FRYL: variants seen among roughly 807,000 people sequenced by gnomAD.
FRYL encodes the protein FRY like transcription coactivator, also known as protein furry homolog-like.
FRYL carries 150 observed loss-of-function variants against 351.2 expected under a neutral mutation model. The ratio of observed to expected loss-of-function variants is 0.43; its 90% CI spans 0.37 to 0.49. FRYL has a LOEUF of 0.49. Ranked by LOEUF, FRYL falls within the 20% of genes least tolerant of loss-of-function variation. The pLI is 0.00. For synonymous variants in FRYL, 1,153 were observed against 1,257.1 expected (o/e 0.92, Z 1.75); for missense variants, 3,036 against 3,619.3 (o/e 0.84, Z 4.13).
chr4:48,746,651 GTC>G (rs1468002993), intron 1 of FRYL, among the ~76,000 whole-genome samples: 3 of 152,140 alleles, frequency 2.0e-5, no homozygotes, highest in Non-Finnish European at 2.9e-5. Context: ...ACCCTGAGCA[GTC>G]TGTGACTGCC....
intron 3 of FRYL, among the ~76,000 whole-genome samples, chr4:48,674,044 G>C (rs1458124406): frequency 6.6e-6 from 1 of 152,100 alleles, no homozygotes; most frequent in Non-Finnish European, 1.5e-5. Flanking sequence ...CATTGTCTCT[G>C]TTCTTGATGA....
chr4:48,592,084 AT>A (rs1743441207), intron 16 of FRYL, among the ~76,000 whole-genome samples: 3 of 15,110 alleles, frequency 2.0e-4, no homozygotes, highest in African/African-American at 2.8e-4. Flanking sequence ...TAAAGCTCTT[AT>A]ATATATATAT....
At chr4:48,590,883 T>A in intron 16 of FRYL, 53 bp from the exon 17 acceptor site, 1 of 1,383,638 alleles carries the variant, frequency 7.2e-7, no homozygotes, top group Non-Finnish European at 9.9e-7. Context: ...AATTACCTTT[T>A]TTGCATGTTA....
chr4:48,724,623 T>A (rs1036483818), intron 1 of FRYL, among the ~76,000 whole-genome samples: 1 of 152,200 alleles, frequency 6.6e-6, no homozygotes, highest in East Asian at 1.9e-4. Context: ...CATCATCTCC[T>A]GGGTCACAGG....
intron 1 of FRYL, among the ~76,000 whole-genome samples, chr4:48,721,995 T>C (rs770243669): frequency 3.9e-5 from 6 of 152,190 alleles, no homozygotes; most frequent in Non-Finnish European, 7.3e-5. Context: ...TGGCCAAAGA[T>C]ACATTTAGAT....
At chr4:48,578,586 C>T (rs1433115762) in intron 23 of FRYL, among the ~76,000 whole-genome samples, 8 of 152,166 alleles carry the variant, frequency 5.3e-5, no homozygotes, top group South Asian at 2.1e-4. Context: ...ACACTGTCAT[C>T]GGGAAAAGTA....
At chr4:48,611,258 C>T (rs1396009806) in intron 7 of FRYL, among the ~76,000 whole-genome samples, 1 of 152,042 alleles carries the variant, frequency 6.6e-6, no homozygotes, top group Non-Finnish European at 1.5e-5. Context: ...GTAAATGTTA[C>T]ATAAATAGTT....
chr4:48,753,303 C>G (rs1773435651), intron 1 of FRYL, among the ~76,000 whole-genome samples: 1 of 152,000 alleles, frequency 6.6e-6, no homozygotes, highest in South Asian at 2.1e-4. Flanking sequence ...TGTTTACAAG[C>G]TTGTCAGTAT....
intron 19 of FRYL, among the ~76,000 whole-genome samples, chr4:48,585,294 T>C (rs768198171): frequency 6.6e-6 from 1 of 152,238 alleles, no homozygotes; most frequent in African/African-American, 2.4e-5. Flanking sequence ...ATTTATATAA[T>C]GCAAAGTAAC....
chr4:48,621,489 C>T (rs1255249035), intron 5 of FRYL, among the ~76,000 whole-genome samples: 1 of 152,170 alleles, frequency 6.6e-6, no homozygotes, highest in Non-Finnish European at 1.5e-5. Context: ...TCAGCAGTCC[C>T]TAAGGTCACT....
chr4:48,531,366 A>G lies in FRYL; in HGVS notation c.6706-13T>C, dbSNP rs1183891472. 6.3e-7 allele frequency: 1 copy of G among 1,581,408 alleles called. No individual in the cohort carries two copies. Among genetic ancestry groups the G allele is most frequent in the Non-Finnish European group, 8.7e-7 (1 of 1,152,246 alleles). ...TCCAGTAAGGACTCTGGTTTAAAAA[A>G]TAATTGACACGTAAAAGTTACAAAT... On this transcript the variant is annotated splice_polypyrimidine_tract_variant and intron_variant, in intron 49 of 63. Transcript: ENST00000358350.
chr4:48,760,071 T>C (rs1465819023), intron 1 of FRYL, among the ~76,000 whole-genome samples: 1 of 152,148 alleles, frequency 6.6e-6, no homozygotes. Context: ...AGGCTACCCA[T>C]GGTATTTTTG....
chr4:48,679,288 T>G (rs558012760), intron 3 of FRYL, among the ~76,000 whole-genome samples: 12 of 152,272 alleles, frequency 7.9e-5, no homozygotes, highest in South Asian at 2.1e-4. Context: ...TATATATTTC[T>G]TTTTAAAATG....
At chr4:48,705,212 A>C (rs1338200560) in intron 2 of FRYL, among the ~76,000 whole-genome samples, 3 of 152,054 alleles carry the variant, frequency 2.0e-5, no homozygotes, top group Admixed American at 2.0e-4. Flanking sequence ...AGATATAAAA[A>C]GATTTATATA....
At chr4:48,528,471 C>G (rs975862741) in intron 50 of FRYL, 135 bp from the exon 51 acceptor site, 20 of 498,144 alleles carry the variant, frequency 4.0e-5, no homozygotes, top group African/African-American at 4.0e-4. Flanking sequence ...TTGCATGAGG[C>G]AGATGTTAAC....
intron 45 of FRYL, among the ~76,000 whole-genome samples, chr4:48,541,327 A>G (rs1196967345): frequency 6.6e-6 from 1 of 152,168 alleles, no homozygotes; most frequent in African/African-American, 2.4e-5. Flanking sequence ...TCTGTCAATG[A>G]CACACTCTTT....
At chr4:48,608,938 G>A (rs750707399) in intron 9 of FRYL, 49 bp downstream of exon 9, 1 of 1,106,160 alleles carries the variant, frequency 9.0e-7, no homozygotes, top group Admixed American at 1.7e-5. Context: ...TGGTAATGAA[G>A]CATTCTAAAA....
intron 49 of FRYL, among the ~76,000 whole-genome samples, chr4:48,531,563 G>C (rs1727637143): frequency 6.6e-6 from 1 of 152,172 alleles, no homozygotes; most frequent in African/African-American, 2.4e-5. Flanking sequence ...TACCATATGT[G>C]TAATAATGCT....
intron 7 of FRYL, among the ~76,000 whole-genome samples, chr4:48,612,987 A>G (rs1302609819): frequency 6.6e-6 from 1 of 152,228 alleles, no homozygotes; most frequent in Non-Finnish European, 1.5e-5. Context: ...ATGAAGAAAC[A>G]TAATACAGGC....
Sources: gnomAD v4.1 joint callset for allele counts (sites outside exome capture counted in the v4.1 genomes callset) on GRCh38, gnomAD v4.1.1 for gene constraint, MANE v1.5 for transcripts, NCBI Gene and HGNC (gene_info 2026-07-23, HGNC 2026-07-21) for gene names.